The following ANKRD36 variants were observed in gnomAD, a reference collection of about 807,000 sequenced individuals.
ANKRD36 encodes the protein ankyrin repeat domain-containing protein 36A.
In ANKRD36, 179 loss-of-function variants were observed where a neutral mutation model predicts 278.1. That is an observed-to-expected ratio of 0.64 (90% confidence interval 0.57 to 0.73). ANKRD36 has a LOEUF of 0.73. ANKRD36 is among the 30% of genes least tolerant of loss of function. The probability of loss-of-function intolerance (pLI) is 0.00; values close to 1 mark genes in which losing one functional copy is unlikely to be tolerated. For synonymous variants in ANKRD36, 320 were observed against 641.1 expected (o/e 0.50, Z 7.57); for missense variants, 1,159 against 1,956.7 (o/e 0.59, Z 7.69).
intron 67 of ANKRD36, among the ~76,000 whole-genome samples, chr2:97,232,163 A>T (rs1201104775): frequency 5.9e-5 from 9 of 152,054 alleles, no homozygotes; most frequent in Non-Finnish European, 7.3e-5. Context: ...TTATTTTAAA[A>T]TTTTTCTCTT....
intron 62 of ANKRD36, 142 bp downstream of exon 62, chr2:97,215,639 A>G (rs2443838): frequency 1.5e-5 from 24 of 1,548,666 alleles, no homozygotes; most frequent in South Asian, 2.4e-5. Context: ...ATAAGTCCTC[A>G]GGTGACCCTG....
intron 6 of ANKRD36, among the ~76,000 whole-genome samples, chr2:97,129,324 T>C (rs1295700183): frequency 1.3e-5 from 2 of 152,094 alleles, no homozygotes; most frequent in African/African-American, 4.8e-5. Context: ...GGTTGTTTGT[T>C]TTTTTCTTGT....
chr2:97,225,440 G>A (rs2069140742), intron 67 of ANKRD36, among the ~76,000 whole-genome samples: 2 of 152,006 alleles, frequency 1.3e-5, no homozygotes, highest in African/African-American at 4.8e-5. Context: ...TGGTATTAGT[G>A]TACAAACAAT....
At chr2:97,177,915 T>G (rs867496961) in intron 22 of ANKRD36, among the ~76,000 whole-genome samples, 1 of 150,620 alleles carries the variant, frequency 6.6e-6, no homozygotes, top group Non-Finnish European at 1.5e-5. Context: ...AGAAAATTTT[T>G]GCAACCTACT....
At chr2:97,187,168 G>A in intron 30 of ANKRD36, 30 bp from the exon 31 acceptor site, 2 of 1,608,724 alleles carry the variant, frequency 1.2e-6, no homozygotes, top group South Asian at 1.1e-5. Flanking sequence ...ATTTACATAT[G>A]AGTGATTATG....
intron 22 of ANKRD36, among the ~76,000 whole-genome samples, chr2:97,174,660 A>G (rs954384891): frequency 1.3e-5 from 2 of 151,574 alleles, no homozygotes; most frequent in African/African-American, 2.4e-5. Context: ...TTCCAACACT[A>G]TGTTGAATAG....
At position 97,124,484 on chromosome 2, in the gene ANKRD36, T is replaced by A; in HGVS notation, c.618T>A (p.Thr206=). ...LGRSALIHAV[T]LGEKDIVILL... ...GATCAGCCCTCATACATGCTGTTAC[T>A]CTTGGAGAAAAAGATATAGTCATTC... The change falls in exon 5 of 76, where the codon ACT becomes ACA. Residue 206 remains threonine, a synonymous_variant. Transcript: ENST00000420699. 1 of 1,550,630 alleles carries A rather than the reference T, an allele frequency of 6.4e-7. No individual in the cohort carries two copies. Among genetic ancestry groups the A allele is most frequent in the Non-Finnish European group, 8.7e-7 (1 of 1,146,376 alleles).
intron 42 of ANKRD36, among the ~76,000 whole-genome samples, chr2:97,197,212 CT>C (rs1193973941): frequency 6.6e-6 from 1 of 151,910 alleles, no homozygotes; most frequent in Non-Finnish European, 1.5e-5. Context: ...AAGGAGACCC[CT>C]GTTGTAGCAA....
In ANKRD36 at chr2:97,158,134, A is replaced by G. The variant is rs748572978; in HGVS notation, c.1288A>G (p.Arg430Gly). 4.2e-5 allele frequency: 64 copies of G among 1,515,346 alleles called. 1 individual carries two copies. The highest frequency in any genetic ancestry group is 1.7e-4 in the Middle Eastern group (1 of 5,964). 93.9% of individuals were successfully genotyped at this position (1,515,346 alleles called of 1,614,324 possible). Reference protein sequence around the residue: ...ENISEPYFTNRRTISQQSAEN... With the variant: ...ENISEPYFTNGRTISQQSAEN... Reference sequence around the variant, plus strand: ...TATTTCAGAACCATACTTTACGAACAGAAGGACTATTTCTCAACAATCTGC... The same window carrying G: ...TATTTCAGAACCATACTTTACGAACGGAAGGACTATTTCTCAACAATCTGC... The change falls in exon 16 of 76, where the codon AGA (arginine) becomes GGA (glycine). Residue 430 changes from arginine (R) to glycine (G), a missense_variant. Arg to Gly is a moderately radical substitution (Grantham distance 125, BLOSUM62 -2). Coordinates refer to ENST00000420699, the MANE Select transcript of ANKRD36 (RefSeq NM_001354587.1).
intron 22 of ANKRD36, among the ~76,000 whole-genome samples, chr2:97,173,540 CAT>C (rs2053301519): frequency 6.6e-6 from 1 of 151,894 alleles, no homozygotes; most frequent in South Asian, 2.1e-4. Flanking sequence ...CTTATCCTCA[CAT>C]GTGTCAGAAT....
chr2:97,211,714 A>T lies in ANKRD36; in HGVS notation c.3442A>T (p.Lys1148Ter), dbSNP rs765588700. Reference sequence around the variant, plus strand: ...TTCTGTTCCGAATATGGCCACGGAAAAAAAGGATGAACAAATATCTGGGAC... The same window carrying T: ...TTCTGTTCCGAATATGGCCACGGAATAAAAGGATGAACAAATATCTGGGAC... ...EDSVPNMATE[K>*]KDEQISGTVS... The change falls in exon 58 of 76, where the codon AAA becomes TAA. Residue 1148 changes from lysine (K) to a stop codon, truncating the protein, a stop_gained. Coordinates refer to ENST00000420699, the MANE Select transcript of ANKRD36 (RefSeq NM_001354587.1). LOFTEE classifies it high-confidence loss of function. 10 of 1,588,764 alleles carry T rather than the reference A, an allele frequency of 6.3e-6. No homozygotes were observed. The Admixed American group carries it at 1.4e-4, about 23-fold the overall frequency.
intron 6 of ANKRD36, among the ~76,000 whole-genome samples, chr2:97,132,662 G>A (rs1297134519): frequency 6.6e-6 from 1 of 152,050 alleles, no homozygotes; most frequent in Non-Finnish European, 1.5e-5. Flanking sequence ...GACCACCTCT[G>A]TGTTTGGCGA....
At chr2:97,113,961 TG>T (rs1439831433) in intron 1 of ANKRD36, 25 bp downstream of exon 1, 1 of 1,572,134 alleles carries the variant, frequency 6.4e-7, no homozygotes, top group African/African-American at 1.4e-5. Context: ...GAGCCGGGGC[TG>T]CGGGAGGAGG....
At chr2:97,225,728 A>G (rs2153661590) in intron 67 of ANKRD36, among the ~76,000 whole-genome samples, 1 of 151,402 alleles carries the variant, frequency 6.6e-6, no homozygotes, top group African/African-American at 2.4e-5. Flanking sequence ...GCACCCATTA[A>G]CTCGTCATTT....
chr2:97,174,699 G>C (rs942247657), intron 22 of ANKRD36, among the ~76,000 whole-genome samples: 6 of 151,714 alleles, frequency 4.0e-5, no homozygotes, highest in African/African-American at 1.5e-4. Context: ...TCCCTGTCTT[G>C]TGCCAGTTTT....
At chr2:97,136,363 A>G (rs917758714) in intron 6 of ANKRD36, among the ~76,000 whole-genome samples, 1 of 151,674 alleles carries the variant, frequency 6.6e-6, no homozygotes, top group African/African-American at 2.4e-5. Flanking sequence ...TGTATCCTTT[A>G]ATATTCTTTA....
At chr2:97,177,751 C>A (rs1401898160) in intron 22 of ANKRD36, among the ~76,000 whole-genome samples, 1 of 151,836 alleles carries the variant, frequency 6.6e-6, no homozygotes, top group Non-Finnish European at 1.5e-5. Context: ...CATTACCATT[C>A]AGGACATAGG....
chr2:97,159,938 C>T (rs377378720), intron 17 of ANKRD36, among the ~76,000 whole-genome samples: 11,405 of 126,076 alleles, frequency 0.09, no homozygotes, highest in African/African-American at 0.15. Context: ...CCCGCCATCA[C>T]GCCCGGCTAA....
At chr2:97,212,567 G>A (rs1361719552) in intron 58 of ANKRD36, among the ~76,000 whole-genome samples, 3 of 151,906 alleles carry the variant, frequency 2.0e-5, no homozygotes, top group Non-Finnish European at 2.9e-5. Context: ...ATACTCCAAA[G>A]AAGACTTTTT....
Sources: allele counts gnomAD v4.1 joint callset (sites outside exome capture counted in the v4.1 genomes callset), GRCh38; gene constraint gnomAD v4.1.1; transcripts MANE v1.5; gene names NCBI Gene and HGNC (gene_info 2026-07-23, HGNC 2026-07-21).